Variants in RHPN2 observed in about 807,000 individuals in gnomAD.
RHPN2 encodes the protein rhophilin Rho GTPase binding protein 2.
Under a neutral mutation model 79.0 loss-of-function variants are expected in RHPN2, and 40 were observed. That is an observed-to-expected ratio of 0.51 (90% CI 0.39 to 0.66). The LOEUF (loss-of-function observed/expected upper bound fraction) is 0.66. Among genes scored for constraint, RHPN2 ranks in the 30% least tolerant of loss-of-function variants. RHPN2 has a pLI of 0.00. For missense variants in RHPN2, 686 were observed against 883.5 expected (o/e 0.78, Z 2.83); for synonymous variants, 285 against 363.5 (o/e 0.78, Z 2.46).
intron 2 of RHPN2, among the ~76,000 whole-genome samples, chr19:33,031,106 G>A (rs1162281001): frequency 6.6e-6 from 1 of 152,100 alleles, no homozygotes; most frequent in Non-Finnish European, 1.5e-5. Flanking sequence ...AAGTTATGGT[G>A]GGAGAGGGGC....
chr19:33,041,602 G>A (rs115918494), intron 2 of RHPN2, among the ~76,000 whole-genome samples: 1 of 152,058 alleles, frequency 6.6e-6, no homozygotes, highest in Admixed American at 6.6e-5. Flanking sequence ...GACTGCTGTT[G>A]TCGTTAAGAG....
At chr19:32,989,059 G>C (rs1971633137) in intron 14 of RHPN2, among the ~76,000 whole-genome samples, 1 of 152,204 alleles carries the variant, frequency 6.6e-6, no homozygotes, top group South Asian at 2.1e-4. Context: ...GTGTGGCAAA[G>C]TGCAGAGGAG....
chr19:33,047,437 C>T (rs943465765), intron 1 of RHPN2, among the ~76,000 whole-genome samples: 1 of 152,172 alleles, frequency 6.6e-6, no homozygotes, highest in African/African-American at 2.4e-5. Context: ...TGCATTTTAG[C>T]TGAATGGTGT....
intron 1 of RHPN2, among the ~76,000 whole-genome samples, chr19:33,061,129 G>T (rs999428244): frequency 1.3e-5 from 2 of 151,814 alleles, no homozygotes; most frequent in African/African-American, 2.4e-5. Context: ...CCCTGGGGGG[G>T]CCTACAAAGC....
At chr19:33,050,132 C>T (rs924488838) in intron 1 of RHPN2, among the ~76,000 whole-genome samples, 1 of 152,146 alleles carries the variant, frequency 6.6e-6, no homozygotes, top group African/African-American at 2.4e-5. Flanking sequence ...AGATCAGGGT[C>T]AATCGAAACC....
At chr19:33,012,594 C>T (rs1233221441) in intron 5 of RHPN2, 53 bp downstream of exon 5, 8 of 1,120,190 alleles carry the variant, frequency 7.1e-6, no homozygotes, top group Non-Finnish European at 1.1e-5. Flanking sequence ...AATGGGGTTC[C>T]CTGAAGACTC....
chr19:32,999,483 C>G, intron 10 of RHPN2, 103 bp downstream of exon 10: 2 of 1,443,394 alleles, frequency 1.4e-6, no homozygotes, highest in South Asian at 2.4e-5. Flanking sequence ...TCGGAACACC[C>G]CCCTCTCCCG....
At position 33,063,717 on chromosome 19, in the gene RHPN2, G is replaced by A. The variant is rs573357196; in HGVS notation, c.69+1067C>T. On this transcript the variant is annotated intron_variant, in intron 1 of 14. Coordinates refer to ENST00000254260, the MANE Select transcript of RHPN2 (RefSeq NM_033103.5). The stretch of plus-strand genomic sequence containing the variant: ...CAGGGCCCCTGCTCCACAGGCTGGG[G>A]TCGCTTTTGAGGGACTGAGCTCCCT... Among the ~76,000 whole-genome samples, 83 of 152,238 alleles carry A rather than the reference G, an allele frequency of 5.5e-4. 1 individual carries two copies. Among genetic ancestry groups the A allele is most frequent in the Middle Eastern group, 3.4e-3 (1 of 292 alleles).
chr19:33,057,791 A>G (rs768391428), intron 1 of RHPN2, among the ~76,000 whole-genome samples: 3 of 151,930 alleles, frequency 2.0e-5, no homozygotes, highest in Non-Finnish European at 4.4e-5. Flanking sequence ...TCCATTTCCA[A>G]CCTGAGGCTA....
intron 7 of RHPN2, among the ~76,000 whole-genome samples, chr19:33,003,357 C>CAAAAA (rs56166279): frequency 7.5e-5 from 5 of 66,614 alleles, no homozygotes; most frequent in Non-Finnish European, 1.0e-4. Flanking sequence ...GACTCTGTCT[C>CAAAAA]AAAAAAAAAA....
chr19:33,052,661 C>T (rs569278080), intron 1 of RHPN2, among the ~76,000 whole-genome samples: 1 of 152,334 alleles, frequency 6.6e-6, no homozygotes, highest in East Asian at 1.9e-4. Flanking sequence ...AACTTTTCAC[C>T]ACACTGGAGA....
intron 14 of RHPN2, among the ~76,000 whole-genome samples, chr19:32,983,895 G>A (rs549594351): frequency 8.5e-5 from 13 of 152,144 alleles, no homozygotes; most frequent in Non-Finnish European, 1.6e-4. Flanking sequence ...CCAAAGTGCT[G>A]GGATTACAGG....
intron 3 of RHPN2, among the ~76,000 whole-genome samples, chr19:33,026,085 G>A (rs1391039743): frequency 1.4e-5 from 2 of 146,482 alleles, no homozygotes; most frequent in Non-Finnish European, 3.0e-5. Context: ...TCCAACTCCC[G>A]GGTTCAAGCA....
rs1233449281 is a variant in RHPN2, at chr19:33,020,107, G to A, written c.390+1464C>T. 2.0e-5 allele frequency among the ~76,000 whole-genome samples: 3 copies of A among 152,068 alleles called. No homozygotes were observed. The East Asian group carries it at 5.8e-4, about 30-fold the overall frequency. The stretch of plus-strand genomic sequence containing the variant: ...CTGACCCAAAGGCCCCGCAGGCAGG[G>A]CTTGTGGCATCTCTGGCACCCAGCA... On this transcript the variant is annotated intron_variant, in intron 4 of 14. Coordinates refer to ENST00000254260, the MANE Select transcript of RHPN2 (RefSeq NM_033103.5).
At chr19:33,052,125 T>C (rs897709629) in intron 1 of RHPN2, among the ~76,000 whole-genome samples, 3 of 151,432 alleles carry the variant, frequency 2.0e-5, no homozygotes, top group Non-Finnish European at 2.9e-5. Context: ...AAAAAAAAAA[T>C]ATAAAACTGG....
At chr19:33,019,377 C>T (rs7246187) in intron 4 of RHPN2, among the ~76,000 whole-genome samples, 46,522 of 151,432 alleles carry the variant, frequency 0.31, 8,449 homozygotes, top group African/African-American at 0.49. Context: ...GTCAGGAGTT[C>T]GAGACCCACC....
Position 33,034,783 on chromosome 19 carries a change from CAAAAAAAA to C in RHPN2, c.186-8159_186-8152del, listed in dbSNP as rs58456679. Among the ~76,000 whole-genome samples the C allele has an allele frequency of 2.9e-4, 15 of 50,912 alleles. No homozygotes were observed. The South Asian group carries it at 0.014, about 48-fold the overall frequency. The allele number at this position is 50,912 out of a possible 152,430, so 33.4% of individuals were successfully genotyped here. On this transcript the variant is annotated intron_variant, in intron 2 of 14. Transcript: ENST00000254260. ...TGGGCAATAGAGCAAGACTCCATCTCAAAAAAAAAAAAAAAAAAAAAGATTTACAAGAA... is the reference window on the plus strand; with the variant it reads ...TGGGCAATAGAGCAAGACTCCATCTCAAAAAAAAAAAAAGATTTACAAGAA...
intron 14 of RHPN2, among the ~76,000 whole-genome samples, chr19:32,986,105 C>T (rs949283653): frequency 1.3e-5 from 2 of 152,160 alleles, no homozygotes; most frequent in Non-Finnish European, 2.9e-5. Context: ...CACAGCTATT[C>T]CCTGACTTGC....
intron 2 of RHPN2, among the ~76,000 whole-genome samples, chr19:33,028,362 G>T (rs1405224246): frequency 4.6e-5 from 7 of 151,996 alleles, no homozygotes; most frequent in Non-Finnish European, 8.8e-5. Context: ...TCACTATGTT[G>T]CCCAGGCTGG....
Sources: gnomAD v4.1 joint callset for allele counts (sites outside exome capture counted in the v4.1 genomes callset) on GRCh38, gnomAD v4.1.1 for gene constraint, MANE v1.5 for transcripts, NCBI Gene and HGNC (gene_info 2026-07-23, HGNC 2026-07-21) for gene names.